Variants in COL18A1 observed in about 807,000 individuals in gnomAD.
The protein encoded by COL18A1 is collagen alpha-1(XVIII) chain.
Under a neutral mutation model 168.0 loss-of-function variants are expected in COL18A1, and 133 were observed. The observed-to-expected ratio is 0.79, with a 90% confidence interval of 0.69 to 0.91. COL18A1 has a LOEUF of 0.91. Among genes scored for constraint, COL18A1 ranks in the 40% least tolerant of loss-of-function variants. COL18A1 has a pLI of 0.00. For missense variants in COL18A1, 2,126 were observed against 1,925.4 expected, an observed-to-expected ratio of 1.10 and a Z score of -1.95; for synonymous variants, 949 against 809.0, an observed-to-expected ratio of 1.17 and a Z score of -2.94.
chr21:45,444,660 G>T (rs923706800), intron 2 of COL18A1, among the ~76,000 whole-genome samples: 1 of 152,122 alleles, frequency 6.6e-6, no homozygotes, highest in Non-Finnish European at 1.5e-5. Context: ...GGGGAGTGGA[G>T]GCTGTGAGCC....
intron 2 of COL18A1, chr21:45,456,443 G>A (rs1333081324): frequency 2.6e-6 from 4 of 1,544,258 alleles, no homozygotes; most frequent in South Asian, 2.4e-5. Flanking sequence ...CGGTGCTTGG[G>A]TCTCCCACGT....
rs937560208 is a variant in COL18A1 at position 45,498,477 on chromosome 21, G to A, written c.2683+816G>A. ...CCTCTCGCCGCCACGGTCCCCGCTC[G>A]CCGCCAGGGTCCCCTCTCGCTGCCA... On this transcript the variant is annotated intron_variant, in intron 32 of 41. Transcript: ENST00000651438. The surrounding 1 kb of genome is among the most constrained non-coding windows in gnomAD (Gnocchi z 4.5). 17 of 712,482 alleles carry A rather than the reference G, an allele frequency of 2.4e-5. No homozygotes were observed. The highest frequency in any genetic ancestry group is 3.5e-5 in the African/African-American group (2 of 56,844). 44.1% of individuals were successfully genotyped at this position (712,482 alleles called of 1,614,324 possible). A position where few individuals can be genotyped will look rare whatever the true frequency, so the allele number is the denominator to read the frequency against.
Position 45,468,609 on chromosome 21 carries a change from C to G in COL18A1, c.474C>G (p.Phe158Leu), listed in dbSNP as rs377547341. The part of the protein sequence containing the change: ...HTAASFRLPA[F>L]VGQWTHLALS... ...CCGCCAGCTTCCGGCTCCCCGCCTT[C>G]GTCGGCCAGTGGACACACTTAGCCC... The change falls in exon 3 of 42, where the codon TTC becomes TTG. Residue 158 changes from phenylalanine to leucine, a missense_variant. Transcript: ENST00000651438. 2.5e-6 allele frequency: 4 copies of G among 1,613,934 alleles called. No individual in the cohort carries two copies. The South Asian group carries it at 4.4e-5, about 18-fold the overall frequency.
chr21:45,495,639 T>C (rs904312761), intron 29 of COL18A1: 15 of 581,646 alleles, frequency 2.6e-5, no homozygotes, highest in African/African-American at 2.0e-4. Flanking sequence ...CATGCACATA[T>C]ATGGCCGTAC....
chr21:45,500,380 GGT>G (rs1375662075), intron 32 of COL18A1, among the ~76,000 whole-genome samples: 4 of 134,200 alleles, frequency 3.0e-5, no homozygotes, highest in South Asian at 2.5e-4. Context: ...AGGGGGTGGG[GGT>G]GTGTGGAGTG....
Position 45,468,258 on chromosome 21 carries a change from G to T in COL18A1, c.123G>T (p.Glu41Asp). ...ASAEPERISE[E>D]VGLLQLLGDP... ...TTTTTGCAGAGCGCATCAGCGAGGA[G>T]GTGGGGCTGCTGCAGCTCCTTGGGG... Residue 41 changes from glutamate (E) to aspartate (D), a missense_variant, in exon 3 of 42, where the codon GAG becomes GAT. Coordinates refer to ENST00000651438, the MANE Select transcript of COL18A1 (RefSeq NM_001379500.1). The T allele has an allele frequency of 6.2e-7, 1 of 1,613,096 alleles. No individual in the cohort carries two copies. The highest frequency in any genetic ancestry group is 8.5e-7 in the Non-Finnish European group (1 of 1,180,034).
At chr21:45,495,543 C>G in intron 29 of COL18A1, 111 bp downstream of exon 29, 1 of 896,748 alleles carries the variant, frequency 1.1e-6, no homozygotes, top group Non-Finnish European at 1.8e-6. Context: ...TATAAGCAGC[C>G]CTGCCATGTG....
intron 2 of COL18A1, among the ~76,000 whole-genome samples, chr21:45,435,709 A>C (rs1400177657): frequency 6.6e-6 from 1 of 152,036 alleles, no homozygotes; most frequent in African/African-American, 2.4e-5. Context: ...GGAGTCCTAT[A>C]GGGTGAAGGG....
Position 45,509,495 on chromosome 21 carries a change from A to G in COL18A1, c.3389A>G (p.Glu1130Gly). The change falls in exon 39 of 42, where the codon GAG (glutamate) becomes GGG (glycine). Residue 1130 changes from glutamate (E) to glycine (G), a missense_variant. Glu to Gly is a moderately conservative substitution (Grantham distance 98, BLOSUM62 -2). Coordinates refer to ENST00000651438, the MANE Select transcript of COL18A1 (RefSeq NM_001379500.1). ...DILASPPRLP[E>G]PQPYPGAPHH... Reference sequence around the variant, plus strand: ...CTGGCCAGCCCCCCTCGCCTGCCCGAGCCCCAGCCCTACCCCGGAGCCCCG... The same window carrying G: ...CTGGCCAGCCCCCCTCGCCTGCCCGGGCCCCAGCCCTACCCCGGAGCCCCG... The G allele has an allele frequency of 6.5e-7, 1 of 1,528,504 alleles. No homozygotes were observed. The highest frequency in any genetic ancestry group is 8.8e-7 in the Non-Finnish European group (1 of 1,135,308). 94.7% of individuals were successfully genotyped at this position (1,528,504 alleles called of 1,614,324 possible).
At chr21:45,444,494 C>T (rs562204235) in intron 2 of COL18A1, among the ~76,000 whole-genome samples, 1 of 152,198 alleles carries the variant, frequency 6.6e-6, no homozygotes, top group African/African-American at 2.4e-5. Flanking sequence ...AATGCACATG[C>T]CAGGATAGTT....
At chr21:45,453,794 C>G (rs1477525976) in intron 2 of COL18A1, among the ~76,000 whole-genome samples, 1 of 152,130 alleles carries the variant, frequency 6.6e-6, no homozygotes, top group Non-Finnish European at 1.5e-5. Flanking sequence ...CCCCGAGGGC[C>G]GGAGCTGCTC....
At chr21:45,510,500 G>A (rs927692838) in intron 40 of COL18A1, among the ~76,000 whole-genome samples, 8 of 143,926 alleles carry the variant, frequency 5.6e-5, no homozygotes, top group African/African-American at 1.0e-4. Context: ...AGGCCCCCCC[G>A]TGGCCCCCTG....
At chr21:45,455,417 G>A (rs551349706) in intron 2 of COL18A1, 93 of 1,471,668 alleles carry the variant, frequency 6.3e-5, no homozygotes, top group East Asian at 5.5e-4. Context: ...GAAGACAGCC[G>A]GCCAGAGGCT....
rs538659716 is a variant in COL18A1 at position 45,505,659 on chromosome 21, C to T, written c.3088-179C>T. Among the ~76,000 whole-genome samples the T allele has an allele frequency of 4.1e-4, 63 of 152,282 alleles. No individual in the cohort carries two copies. The East Asian group carries it at 0.012, about 29-fold the overall frequency. ...AGGGCCTGTACATTGTCCACGGAGGCGCAGGAGCTGGCGGCAGGCAGGGGT... is the reference window on the plus strand; with the variant it reads ...AGGGCCTGTACATTGTCCACGGAGGTGCAGGAGCTGGCGGCAGGCAGGGGT... On this transcript the variant is annotated intron_variant, in intron 36 of 41. Transcript: ENST00000651438.
chr21:45,511,939 C>T (rs894092536), intron 41 of COL18A1, among the ~76,000 whole-genome samples: 1 of 152,224 alleles, frequency 6.6e-6, no homozygotes, highest in South Asian at 2.1e-4. Flanking sequence ...CCAGGCCAAG[C>T]CCTGGCCCCT....
At chr21:45,509,326 G>C (rs570228568) in intron 38 of COL18A1, 30 bp from the exon 39 acceptor site, 4 of 1,539,354 alleles carry the variant, frequency 2.6e-6, no homozygotes, top group African/African-American at 1.4e-5. Flanking sequence ...GGGTCCCCCC[G>C]CCGACAGGCC....
chr21:45,509,304 G>C, intron 38 of COL18A1, 52 bp from the exon 39 acceptor site: 1 of 1,535,214 alleles, frequency 6.5e-7, no homozygotes, highest in Non-Finnish European at 8.7e-7. Flanking sequence ...AGATGGAGGA[G>C]GGGCACCCGG....
intron 32 of COL18A1, 128 bp from the exon 33 acceptor site, chr21:45,503,883 A>G: frequency 2.4e-6 from 2 of 850,278 alleles, no homozygotes; most frequent in Non-Finnish European, 4.0e-6. Flanking sequence ...ACCTAATTAA[A>G]TACGCGATCT....
At chr21:45,482,333 G>T (rs535654633) in intron 14 of COL18A1, 1 of 684,082 alleles carries the variant, frequency 1.5e-6, no homozygotes, top group Non-Finnish European at 2.7e-6. Flanking sequence ...AGCCTCTGTC[G>T]GACTGACGCA....
Sources: gnomAD v4.1 joint callset for allele counts (sites outside exome capture counted in the v4.1 genomes callset) on GRCh38, gnomAD v4.1.1 for gene constraint, Gnocchi (gnomAD v3.1) non-coding constraint, MANE v1.5 for transcripts, NCBI Gene and HGNC (gene_info 2026-07-23, HGNC 2026-07-21) for gene names.